SASH1: variants seen among roughly 807,000 people sequenced by gnomAD.
SASH1 encodes the protein SAM and SH3 domain containing 1, also known as SAM and SH3 domain-containing protein 1.
Under a neutral mutation model 125.2 loss-of-function variants are expected in SASH1, and 44 were observed. That is an observed-to-expected ratio of 0.35 (90% CI 0.28 to 0.45). SASH1 has a LOEUF of 0.45. Ranked by LOEUF, SASH1 falls within the 20% of genes least tolerant of loss-of-function variation. The pLI is 1.00. For missense variants in SASH1, 1,426 were observed against 1,614.5 expected (o/e 0.88, Z 2.00); for synonymous variants, 639 against 649.1 (o/e 0.98, Z 0.24).
intron 1 of SASH1, among the ~76,000 whole-genome samples, chr6:148,301,969 T>C (rs1382947136): frequency 6.6e-6 from 1 of 151,878 alleles, no homozygotes; most frequent in Non-Finnish European, 1.5e-5. Context: ...CTAAATAATT[T>C]TCATGTTATT....
chr6:148,361,056 C>G (rs927156459), intron 1 of SASH1, among the ~76,000 whole-genome samples: 1 of 152,178 alleles, frequency 6.6e-6, no homozygotes, highest in African/African-American at 2.4e-5. Flanking sequence ...CAGAGAACAG[C>G]ATGTGATGGT....
At chr6:148,384,069 A>G (rs1783262592) in intron 1 of SASH1, among the ~76,000 whole-genome samples, 1 of 152,210 alleles carries the variant, frequency 6.6e-6, no homozygotes, top group Non-Finnish European at 1.5e-5. Context: ...GGATTGTCAT[A>G]CATATGGACA....
intron 1 of SASH1, among the ~76,000 whole-genome samples, chr6:148,292,537 A>T (rs1015171593): frequency 6.6e-6 from 1 of 152,196 alleles, no homozygotes; most frequent in African/African-American, 2.4e-5. Context: ...ACCTCAAAAA[A>T]TAGCCTTGAG....
intron 6 of SASH1, among the ~76,000 whole-genome samples, chr6:148,471,851 G>T (rs1431473460): frequency 6.6e-6 from 1 of 152,156 alleles, no homozygotes; most frequent in Non-Finnish European, 1.5e-5. Flanking sequence ...GCCCTAGCAT[G>T]TGTTGGTTTG....
chr6:148,484,445 A>G (rs1010314903), intron 7 of SASH1, among the ~76,000 whole-genome samples: 1 of 152,216 alleles, frequency 6.6e-6, no homozygotes, highest in South Asian at 2.1e-4. Flanking sequence ...ACAAATGGTC[A>G]TGCCTTCATG....
At chr6:148,277,512 A>G (rs543161556) in intron 1 of SASH1, among the ~76,000 whole-genome samples, 2 of 152,346 alleles carry the variant, frequency 1.3e-5, no homozygotes, top group South Asian at 2.1e-4. Flanking sequence ...TCAGCCTCCC[A>G]TATAACACTG....
At chr6:148,224,889 A>G in the SASH1 span, among the ~76,000 whole-genome samples, 4 of 152,252 alleles carry the variant, frequency 2.6e-5, no homozygotes, top group African/African-American at 4.8e-5. Context: ...AGTTGAGAAC[A>G]TCGACACTGA....
chr6:148,548,588 G>T lies in SASH1; in HGVS notation c.*30G>T. 1.9e-6 allele frequency: 3 copies of T among 1,558,376 alleles called. No homozygotes were observed. Among genetic ancestry groups the T allele is most frequent in the Non-Finnish European group, 2.6e-6 (3 of 1,155,660 alleles). On this transcript the variant is annotated 3_prime_UTR_variant, in exon 20 of 20. Transcript: ENST00000367467. ...GCCCGGAATGGGCCTCTCTGGACAA[G>T]AGCCACCCTTTCACTGTGCATATGA...
intron 2 of SASH1, among the ~76,000 whole-genome samples, chr6:148,398,282 G>A (rs1345584107): frequency 6.6e-6 from 1 of 152,214 alleles, no homozygotes; most frequent in Non-Finnish European, 1.5e-5. Context: ...ATTGTTGACC[G>A]CTGGGCCAAG....
intron 2 of SASH1, among the ~76,000 whole-genome samples, chr6:148,432,985 A>G (rs1776126842): frequency 6.6e-6 from 1 of 152,244 alleles, no homozygotes. Flanking sequence ...ATACACAAGC[A>G]GGTGAAAGCA....
Position 148,471,431 on chromosome 6 carries a change from A to G in SASH1, c.442A>G (p.Lys148Glu). Residue 148 changes from lysine to glutamate, a missense_variant, in exon 6 of 20, where the codon AAG (lysine) becomes GAG (glutamate). Lys to Glu is a moderately conservative substitution (Grantham distance 56). Around this residue, in one of 3 missense-constraint regions of SASH1, gnomAD observed 567 missense variants for 575.6 expected, o/e 0.99. Coordinates refer to ENST00000367467, the MANE Select transcript of SASH1 (RefSeq NM_015278.5). ...TTTTTTTTAAGGAAAAGGAGACTGG[A>G]AGAAGAAAAATAAGTATTTCTGGCA... ...EDSSVGKGDW[K>E]KKNKYFWQNF... The G allele has an allele frequency of 1.4e-6, 2 of 1,440,976 alleles. No homozygotes were observed. The highest frequency in any genetic ancestry group is 2.3e-5 in the East Asian group (1 of 42,930). 89.3% of individuals were successfully genotyped at this position (1,440,976 alleles called of 1,614,324 possible).
chr6:148,362,886 A>C (rs1023098947), intron 1 of SASH1, among the ~76,000 whole-genome samples: 1 of 152,182 alleles, frequency 6.6e-6, no homozygotes, highest in African/African-American at 2.4e-5. Context: ...GAATTGAGTT[A>C]AAGTTTCCTA....
Position 148,437,401 on chromosome 6 carries a change from T to TA in SASH1, c.286-2775dup, listed in dbSNP as rs1274781743. Among the ~76,000 whole-genome samples, 25 of 152,114 alleles carry TA rather than the reference T, an allele frequency of 1.6e-4. No homozygotes were observed. The South Asian group carries it at 4.8e-3, about 29-fold the overall frequency. ...AAAAAGTTATTCTCTTACTTGGTCT[T>TA]AAAAAAAACAAGTCACTAGAAATAT... On this transcript the variant is annotated intron_variant, in intron 2 of 19. Coordinates refer to ENST00000367467, the MANE Select transcript of SASH1 (RefSeq NM_015278.5).
the SASH1 span, among the ~76,000 whole-genome samples, chr6:148,264,300 C>G: frequency 6.6e-6 from 1 of 152,038 alleles, no homozygotes; most frequent in African/African-American, 2.4e-5. Flanking sequence ...AACTCTTACC[C>G]ATACAAAAAT....
intron 1 of SASH1, among the ~76,000 whole-genome samples, chr6:148,376,956 G>C (rs1193814406): frequency 6.6e-6 from 1 of 151,164 alleles, no homozygotes; most frequent in South Asian, 2.1e-4. Context: ...GGATCACGAG[G>C]TCAGGAGATC....
At chr6:148,469,642 C>T (rs1223223588) in intron 5 of SASH1, among the ~76,000 whole-genome samples, 7 of 151,982 alleles carry the variant, frequency 4.6e-5, no homozygotes, top group Admixed American at 3.9e-4. Context: ...CTGAGGTGGG[C>T]GGATCCCTTG....
intron 1 of SASH1, among the ~76,000 whole-genome samples, chr6:148,302,311 C>CA (rs1174644909): frequency 0.042 from 1,886 of 44,896 alleles, 215 homozygotes; most frequent in East Asian, 0.091. Context: ...GACTCCGTCT[C>CA]AAAAAAAAAA....
chr6:148,468,777 T>A, intron 5 of SASH1, 192 bp downstream of exon 5: 1 of 510,700 alleles, frequency 2.0e-6, no homozygotes, highest in Non-Finnish European at 3.4e-6. Flanking sequence ...ATATTCTGCA[T>A]ACTGTTTTAT....
intron 1 of SASH1, among the ~76,000 whole-genome samples, chr6:148,335,087 C>A (rs1389135767): frequency 6.6e-6 from 1 of 151,642 alleles, no homozygotes; most frequent in South Asian, 2.1e-4. Context: ...CACCTGAGGT[C>A]GGGAGTTTGA....
Sources: allele counts gnomAD v4.1 joint callset (sites outside exome capture counted in the v4.1 genomes callset), GRCh38; gene constraint gnomAD v4.1.1; regional missense constraint gnomAD v4.1.1; transcripts MANE v1.5; gene names NCBI Gene and HGNC (gene_info 2026-07-23, HGNC 2026-07-21).